CASR: variants seen among roughly 807,000 people sequenced by gnomAD.
CASR encodes extracellular calcium-sensing receptor.
CASR carries 23 observed loss-of-function variants against 69.1 expected under a neutral mutation model. The ratio of observed to expected loss-of-function variants is 0.33; its 90% confidence interval spans 0.24 to 0.47. CASR has a LOEUF of 0.47. Ranked by LOEUF, CASR falls within the 20% of genes least tolerant of loss-of-function variation. The pLI is 1.00. For missense variants in CASR, 924 were observed against 1,356.1 expected (o/e 0.68, Z 5.00); for synonymous variants, 541 against 544.7 (o/e 0.99, Z 0.10).
At chr3:122,212,929 A>G (rs1399418504) in intron 1 of CASR, among the ~76,000 whole-genome samples, 1 of 152,208 alleles carries the variant, frequency 6.6e-6, no homozygotes, top group South Asian at 2.1e-4. Flanking sequence ...GGCATGAGCC[A>G]CAGTGCCTGG....
At chr3:122,278,503 G>A (rs1218955257) in intron 5 of CASR, among the ~76,000 whole-genome samples, 1 of 152,138 alleles carries the variant, frequency 6.6e-6, no homozygotes, top group Admixed American at 6.6e-5. Flanking sequence ...CCTTAATTAG[G>A]GTCTTGGAAT....
intron 5 of CASR, among the ~76,000 whole-genome samples, chr3:122,276,960 T>C (rs920155110): frequency 1.3e-5 from 2 of 151,824 alleles, no homozygotes. Context: ...TCCTCTTAAC[T>C]CTCCCAGGAA....
intron 1 of CASR, among the ~76,000 whole-genome samples, chr3:122,204,267 G>A (rs188521831): frequency 1.4e-4 from 22 of 152,150 alleles, no homozygotes; most frequent in African/African-American, 4.8e-4. Context: ...GTGACCACTA[G>A]TCTCCTCTCT....
Position 122,254,040 on chromosome 3 carries a change from G to A in CASR, c.-150G>A, listed in dbSNP as rs546139110. On this transcript the variant is annotated 5_prime_UTR_variant, in exon 2 of 7. Coordinates refer to ENST00000639785, the MANE Select transcript of CASR (RefSeq NM_000388.4). Reference sequence around the variant, plus strand: ...CTGGATTGAGGAAGGCAGAAATGGAGATTCAAACACCACGTCTTCTATTAT... The same window carrying A: ...CTGGATTGAGGAAGGCAGAAATGGAAATTCAAACACCACGTCTTCTATTAT... The A allele has an allele frequency of 4.9e-6, 4 of 810,168 alleles. No individual in the cohort carries two copies. The highest frequency in any genetic ancestry group is 1.7e-5 in the African/African-American group (1 of 59,560). 50.2% of individuals were successfully genotyped at this position (810,168 alleles called of 1,614,324 possible). A position where few individuals can be genotyped will look rare whatever the true frequency, so the allele number is the denominator to read the frequency against.
chr3:122,248,389 A>C (rs953193786), intron 1 of CASR, among the ~76,000 whole-genome samples: 4 of 152,018 alleles, frequency 2.6e-5, no homozygotes, highest in African/African-American at 9.7e-5. Flanking sequence ...TTTCAGGTTT[A>C]TTTTTCCTGT....
chr3:122,246,635 C>T (rs1002447379), intron 1 of CASR: 2 of 152,176 alleles, frequency 1.3e-5, no homozygotes, highest in Non-Finnish European at 2.9e-5. Flanking sequence ...GCTTGAGAGC[C>T]GATGGTTAAA....
At chr3:122,250,610 G>A (rs2074473200) in intron 1 of CASR, among the ~76,000 whole-genome samples, 1 of 152,164 alleles carries the variant, frequency 6.6e-6, no homozygotes. Flanking sequence ...CTAGAAAGTG[G>A]ACTTGGTATT....
Position 122,285,314 on chromosome 3 carries a change from C to A in CASR, c.*123C>A. On this transcript the variant is annotated 3_prime_UTR_variant, in exon 7 of 7. Transcript: ENST00000639785. ...GGGATAATAGACACATCAAATGCCCCGAATTTAGTCACACCATCTTAAATG... is the reference window on the plus strand; with the variant it reads ...GGGATAATAGACACATCAAATGCCCAGAATTTAGTCACACCATCTTAAATG... The A allele has an allele frequency of 1.2e-6, 1 of 834,914 alleles. No homozygotes were observed. Among genetic ancestry groups the A allele is most frequent in the South Asian group, 1.4e-5 (1 of 71,942 alleles). The allele number at this position is 834,914 out of a possible 1,614,324, so 51.7% of individuals were successfully genotyped here.
chr3:122,269,093 A>G (rs2107638233), intron 4 of CASR, among the ~76,000 whole-genome samples: 1 of 152,378 alleles, frequency 6.6e-6, no homozygotes, highest in Non-Finnish European at 1.5e-5. Flanking sequence ...CCTAATTTGT[A>G]CTAATAAATA....
rs2074639584 is a variant in CASR at position 122,262,417 on chromosome 3, G to T, written c.1377+5G>T. On this transcript the variant is annotated splice_donor_5th_base_variant and intron_variant, in intron 4 of 6. Transcript: ENST00000639785. ...AAGAAAGTTGAGGCGTGGCAGGTGC[G>T]TCCTTCACTTATATAGCAATTTGCT... is the stretch of plus-strand genomic sequence containing the variant. 5 of 1,609,694 alleles carry T rather than the reference G, an allele frequency of 3.1e-6. No individual in the cohort carries two copies. Among genetic ancestry groups the T allele is most frequent in the Non-Finnish European group, 3.4e-6 (4 of 1,179,790 alleles).
intron 1 of CASR, among the ~76,000 whole-genome samples, chr3:122,250,588 C>T (rs1442299691): frequency 6.6e-6 from 1 of 152,164 alleles, no homozygotes; most frequent in Non-Finnish European, 1.5e-5. Flanking sequence ...TACAAAGAAT[C>T]TATTTCCCTA....
chr3:122,216,982 G>A (rs568051615), intron 1 of CASR, among the ~76,000 whole-genome samples: 3 of 152,190 alleles, frequency 2.0e-5, no homozygotes, highest in Admixed American at 6.5e-5. Flanking sequence ...ACATACAGTG[G>A]TGAACTACAC....
rs759230743 is a variant in CASR at position 122,261,851 on chromosome 3, TGG to T, written c.817_818del (p.Gly273ProfsTer4). The T allele has an allele frequency of 6.2e-7, 1 of 1,614,230 alleles. No individual in the cohort carries two copies. Among genetic ancestry groups the T allele is most frequent in the African/African-American group, 1.3e-5 (1 of 75,066 alleles). Reference sequence around the variant, plus strand: ...CCAAAGTCATCGTGGTTTTCTCCAGTGGCCCAGATCTTGAGCCCCTCATCAAG... The same window carrying T: ...CCAAAGTCATCGTGGTTTTCTCCAGTCCCAGATCTTGAGCCCCTCATCAAG... The part of the protein sequence containing the change: ...TAKVIVVFSS[G>X]PDLEPLIKEI... On this transcript the variant is annotated frameshift_variant, in exon 4 of 7. Transcript: ENST00000639785. LOFTEE classifies it high-confidence loss of function.
At chr3:122,282,330 G>A in intron 6 of CASR, 94 bp downstream of exon 6, 1 of 1,229,350 alleles carries the variant, frequency 8.1e-7, no homozygotes, top group Non-Finnish European at 1.2e-6. Flanking sequence ...CTGAGATGGT[G>A]CTTTGCACAG....
chr3:122,194,527 G>C (rs4678038), intron 1 of CASR, among the ~76,000 whole-genome samples: 25,979 of 152,050 alleles, frequency 0.17, 2,311 homozygotes, highest in African/African-American at 0.2. Context: ...AAATAGGCCA[G>C]GTTTCACCCT....
At chr3:122,271,975 T>A (rs1330323406) in intron 4 of CASR, among the ~76,000 whole-genome samples, 2 of 152,218 alleles carry the variant, frequency 1.3e-5, no homozygotes, top group African/African-American at 4.8e-5. Flanking sequence ...TTTATCTGTT[T>A]ACCCAATTGA....
chr3:122,202,325 G>C (rs2073964543), intron 1 of CASR, among the ~76,000 whole-genome samples: 1 of 152,238 alleles, frequency 6.6e-6, no homozygotes, highest in Non-Finnish European at 1.5e-5. Flanking sequence ...GGCTGAGGCA[G>C]GAGAATCAGG....
In CASR at chr3:122,261,849, A is replaced by G. The variant is rs764943919; in HGVS notation, c.814A>G (p.Ser272Gly). ...STAKVIVVFS[S>G]GPDLEPLIKE... ...GGCCAAAGTCATCGTGGTTTTCTCC[A>G]GTGGCCCAGATCTTGAGCCCCTCAT... Residue 272 changes from serine to glycine, a missense_variant, in exon 4 of 7, where the codon AGT (serine) becomes GGT (glycine). Transcript: ENST00000639785. 3 of 1,614,250 alleles carry G rather than the reference A, an allele frequency of 1.9e-6. No individual in the cohort carries two copies. The highest frequency in any genetic ancestry group is 2.5e-6 in the Non-Finnish European group (3 of 1,180,040).
In CASR at chr3:122,287,205, A is replaced by T. The variant is rs1170206926; in HGVS notation, c.*2014A>T. ...GAACAGCCTCAACAGAATGTGACAT[A>T]CTTCTCCCTCCAGGGTTTGACTTCA... On this transcript the variant is annotated 3_prime_UTR_variant, in exon 7 of 7. Transcript: ENST00000639785. The T allele has an allele frequency of 6.6e-6, 1 of 152,248 alleles. No individual in the cohort carries two copies. Among genetic ancestry groups the T allele is most frequent in the Non-Finnish European group, 1.5e-5 (1 of 68,036 alleles). 9.4% of individuals were successfully genotyped at this position (152,248 alleles called of 1,614,324 possible).
Sources: gnomAD v4.1 joint callset for allele counts (sites outside exome capture counted in the v4.1 genomes callset) on GRCh38, gnomAD v4.1.1 for gene constraint, MANE v1.5 for transcripts, NCBI Gene and HGNC (gene_info 2026-07-23, HGNC 2026-07-21) for gene names.